Variants in GAS2 observed in about 807,000 individuals in gnomAD.
The protein encoded by GAS2 is growth arrest-specific protein 2.
In GAS2, 20 loss-of-function variants were observed where a neutral mutation model predicts 37.5. That is an observed-to-expected ratio of 0.53 (90% confidence interval 0.37 to 0.77). GAS2 has a LOEUF of 0.77. Among genes scored for constraint, GAS2 ranks in the 30% least tolerant of loss-of-function variants. GAS2 has a pLI of 0.00. For synonymous variants in GAS2, 144 were observed against 132.2 expected, an observed-to-expected ratio of 1.09 and a Z score of -0.61; for missense variants, 336 against 373.4, an observed-to-expected ratio of 0.90 and a Z score of 0.82.
In GAS2 at chr11:22,726,285, T is replaced by C; in HGVS notation, c.268-7T>C. 6.3e-7 allele frequency: 1 copy of C among 1,584,452 alleles called. No homozygotes were observed. Among genetic ancestry groups the C allele is most frequent in the Non-Finnish European group, 8.5e-7 (1 of 1,172,570 alleles). The stretch of plus-strand genomic sequence containing the variant: ...TTTCTCCTAGAACGAATTTCTTTAT[T>C]TTTCAGAATCTACCGTTGAAGAAGA... On this transcript the variant is annotated splice_polypyrimidine_tract_variant and splice_region_variant and intron_variant, in intron 3 of 7. Transcript: ENST00000454584.
intron 7 of GAS2, among the ~76,000 whole-genome samples, chr11:22,771,595 G>A (rs1452223572): frequency 6.6e-6 from 1 of 152,088 alleles, no homozygotes; most frequent in Non-Finnish European, 1.5e-5. Context: ...TAGGAAAACT[G>A]GCTCATTTTT....
chr11:22,781,798 C>T (rs1855568186), intron 7 of GAS2, among the ~76,000 whole-genome samples: 1 of 151,906 alleles, frequency 6.6e-6, no homozygotes, highest in African/African-American at 2.4e-5. Context: ...AAAGCAGTTC[C>T]CCTCTAGGAC....
intron 1 of GAS2, among the ~76,000 whole-genome samples, chr11:22,667,709 T>C (rs1849039278): frequency 6.6e-6 from 1 of 152,180 alleles, no homozygotes; most frequent in Non-Finnish European, 1.5e-5. Flanking sequence ...AAGTTTCCAT[T>C]GTCTTGAATG....
chr11:22,726,145 A>G, intron 3 of GAS2, 147 bp from the exon 4 acceptor site: 1 of 693,802 alleles, frequency 1.4e-6, no homozygotes, highest in Admixed American at 3.3e-5. Context: ...TTAATTGCAT[A>G]GCATTATATT....
chr11:22,631,814 A>G (rs1297745920), intron 1 of GAS2, among the ~76,000 whole-genome samples: 1 of 151,950 alleles, frequency 6.6e-6, no homozygotes, highest in Non-Finnish European at 1.5e-5. Flanking sequence ...CTTTGGTTTC[A>G]GGGTGATACT....
At chr11:22,652,231 C>T (rs1242551928) in intron 1 of GAS2, among the ~76,000 whole-genome samples, 2 of 152,100 alleles carry the variant, frequency 1.3e-5, no homozygotes, top group African/African-American at 4.8e-5. Flanking sequence ...TTAGGCTGCT[C>T]GGGGGTCAGG....
intron 1 of GAS2, among the ~76,000 whole-genome samples, chr11:22,649,501 C>T (rs868415498): frequency 6.6e-6 from 1 of 151,864 alleles, no homozygotes; most frequent in Non-Finnish European, 1.5e-5. Flanking sequence ...GGTACCAGTT[C>T]CTCCTTGTAC....
At chr11:22,672,685 A>T (rs914701301) in intron 1 of GAS2, 1 of 152,170 alleles carries the variant, frequency 6.6e-6, no homozygotes, top group Non-Finnish European at 1.5e-5. Flanking sequence ...CCCTTTTAAG[A>T]TTTCAATTAG....
At chr11:22,741,096 A>G (rs192858376) in intron 5 of GAS2, among the ~76,000 whole-genome samples, 10 of 152,300 alleles carry the variant, frequency 6.6e-5, no homozygotes, top group Admixed American at 3.9e-4. Context: ...ATTCTCTGCC[A>G]TGTTTTCCTC....
upstream of GAS2, among the ~76,000 whole-genome samples, chr11:22,663,074 G>A (rs968395468): frequency 2.6e-4 from 40 of 152,106 alleles, no homozygotes; most frequent in African/African-American, 8.2e-4. Context: ...GGGGCAGCAC[G>A]GCATGTCTTA....
chr11:22,641,473 A>G lies in GAS2; in HGVS notation c.-21+15660A>G, dbSNP rs937314165. ...TTAACTTGTCATTTACATTAGGTAC[A>G]TCTCCTAATGCTATCCCTCCCCCCC... On this transcript the variant is annotated intron_variant, in intron 1 of 5. Transcript: ENST00000528582. 4.0e-5 allele frequency among the ~76,000 whole-genome samples: 6 copies of G among 151,184 alleles called. No individual in the cohort carries two copies. In the South Asian group the frequency reaches 1.3e-3, roughly 32 times the overall value.
At chr11:22,754,214 C>T (rs1414059539) in intron 6 of GAS2, among the ~76,000 whole-genome samples, 1 of 151,936 alleles carries the variant, frequency 6.6e-6, no homozygotes, top group African/African-American at 2.4e-5. Flanking sequence ...CCCCTGTGAC[C>T]TGTATAGATT....
At chr11:22,723,708 C>T (rs1852053447) in intron 3 of GAS2, among the ~76,000 whole-genome samples, 1 of 151,728 alleles carries the variant, frequency 6.6e-6, no homozygotes, top group Admixed American at 6.6e-5. Context: ...TTTCTGCCCG[C>T]CAGGGATATA....
chr11:22,682,107 C>G (rs1036659278), intron 2 of GAS2, among the ~76,000 whole-genome samples: 1 of 151,936 alleles, frequency 6.6e-6, no homozygotes, highest in African/African-American at 2.4e-5. Flanking sequence ...AAAAACTCAC[C>G]TTTCAGAGCT....
intron 4 of GAS2, chr11:22,731,536 AT>A (rs995467358): frequency 2.4e-4 from 39 of 162,458 alleles, no homozygotes; most frequent in Middle Eastern, 2.5e-3. Context: ...AATTCTACAA[AT>A]TTTTTTTTGT....
chr11:22,722,420 T>C (rs1026011194), intron 3 of GAS2, among the ~76,000 whole-genome samples: 3 of 151,930 alleles, frequency 2.0e-5, no homozygotes, highest in Non-Finnish European at 4.4e-5. Flanking sequence ...AATAGCTTAT[T>C]GGTAGTAACT....
chr11:22,643,862 G>C (rs1005948478), intron 1 of GAS2, among the ~76,000 whole-genome samples: 4 of 151,756 alleles, frequency 2.6e-5, no homozygotes, highest in African/African-American at 4.8e-5. Context: ...TTTTTTTCCT[G>C]CTTCAATAAC....
At chr11:22,725,078 C>T (rs1233545735) in intron 3 of GAS2, among the ~76,000 whole-genome samples, 3 of 151,870 alleles carry the variant, frequency 2.0e-5, no homozygotes, top group African/African-American at 7.3e-5. Context: ...CCTATGTAGC[C>T]CAGTTCACCC....
chr11:22,641,100 AG>A (rs1858904744), intron 1 of GAS2, among the ~76,000 whole-genome samples: 2 of 150,904 alleles, frequency 1.3e-5, no homozygotes, highest in East Asian at 3.9e-4. Context: ...GAATTGACCA[AG>A]GGGAGGCATT....
Sources: allele counts gnomAD v4.1 joint callset (sites outside exome capture counted in the v4.1 genomes callset), GRCh38; gene constraint gnomAD v4.1.1; transcripts MANE v1.5; gene names NCBI Gene and HGNC (gene_info 2026-07-23, HGNC 2026-07-21).